ZNF85: variants seen among roughly 807,000 people sequenced by gnomAD.
ZNF85 encodes zinc finger protein 85, also known as zinc finger protein 85 (HPF4, HTF1).
Under a neutral mutation model 53.9 loss-of-function variants are expected in ZNF85, and 50 were observed. That is an observed-to-expected ratio of 0.93 (90% CI 0.74 to 1.17). The LOEUF is 1.17. Ranked by LOEUF, ZNF85 falls within the 50% of genes most tolerant of loss-of-function variation. ZNF85 has a pLI of 0.00. For synonymous variants in ZNF85, 225 were observed against 226.1 expected (o/e 1.00, Z 0.04); for missense variants, 747 against 688.5 (o/e 1.08, Z -0.95).
At position 20,949,611 on chromosome 19, in the gene ZNF85, G is replaced by T. The variant is rs780140377; in HGVS notation, c.1097G>T (p.Gly366Val). Reference sequence around the variant, plus strand: ...ACCACACATGAGGTAATTCATACTGGAGAGAAACCCTACAAATGTGAAAAA... The same window carrying T: ...ACCACACATGAGGTAATTCATACTGTAGAGAAACCCTACAAATGTGAAAAA... ...HLTTHEVIHT[G>V]EKPYKCEKCG... is the part of the protein sequence containing the mutation. Residue 366 changes from glycine (G) to valine (V), a missense_variant, in exon 4 of 4, where the codon GGA (glycine) becomes GTA (valine). Gly to Val is a moderately radical substitution (Grantham distance 109). Transcript: ENST00000328178. 7.5e-6 allele frequency: 12 copies of T among 1,602,406 alleles called. No homozygotes were observed. Among genetic ancestry groups the T allele is most frequent in the Non-Finnish European group, 9.4e-6 (11 of 1,171,944 alleles).
rs201557643 is a variant in ZNF85 at position 20,950,142 on chromosome 19, G to A, written c.1628G>A (p.Cys543Tyr). The stretch of plus-strand genomic sequence containing the variant: ...GAGAAACCCTACACATGTGAAGAAT[G>A]TGGCAAAGCCTTTAACCAGTCCTCA... ...TGEKPYTCEE[C>Y]GKAFNQSSNL... The change falls in exon 4 of 4, where the codon TGT becomes TAT. Residue 543 changes from cysteine to tyrosine, a missense_variant. Coordinates refer to ENST00000328178, the MANE Select transcript of ZNF85 (RefSeq NM_003429.5). 32 of 1,613,622 alleles carry A rather than the reference G, an allele frequency of 2.0e-5. 1 individual carries two copies. The Middle Eastern group carries it at 2.5e-3, about 124-fold the overall frequency.
rs751910451 is a variant in ZNF85 at position 20,949,318 on chromosome 19, C to T, written c.804C>T (p.Asn268=). ...GTGAAGAATGTGGCAAAACTTTTAA[C>T]CGATTCTCAACTCTTACTACCCATA... The part of the protein sequence containing the change: ...YKCEECGKTF[N]RFSTLTTHKI... The change falls in exon 4 of 4, where the codon AAC becomes AAT. Residue 268 remains asparagine, a synonymous_variant. Transcript: ENST00000328178. 1.2e-6 allele frequency: 2 copies of T among 1,607,876 alleles called. No homozygotes were observed. Among genetic ancestry groups the T allele is most frequent in the Non-Finnish European group, 1.7e-6 (2 of 1,176,656 alleles).
chr19:20,947,767 T>A (rs1228528946), intron 3 of ZNF85, among the ~76,000 whole-genome samples: 1 of 151,634 alleles, frequency 6.6e-6, no homozygotes, highest in Non-Finnish European at 1.5e-5. Context: ...ATATTAAAAT[T>A]TTTTTGTATT....
intron 3 of ZNF85, chr19:20,937,463 G>C (rs1973187163): frequency 1.5e-5 from 6 of 401,126 alleles, no homozygotes; most frequent in Non-Finnish European, 2.5e-5. Context: ...TCTGCACTAG[G>C]GTCCGCCTTT....
At position 20,949,066 on chromosome 19, in the gene ZNF85, C is replaced by T. The variant is rs769513308; in HGVS notation, c.552C>T (p.Gly184=). 2 of 1,613,784 alleles carry T rather than the reference C, an allele frequency of 1.2e-6. No individual in the cohort carries two copies. The highest frequency in any genetic ancestry group is 1.7e-6 in the Non-Finnish European group (2 of 1,179,788). The stretch of plus-strand genomic sequence containing the variant: ...GTACAAAATGTGGCAAATCATTTGG[C>T]ATGATTTCATGCCTAACTGAACATA... ...FKCTKCGKSF[G]MISCLTEHSR... Residue 184 remains glycine (G), a synonymous_variant, in exon 4 of 4, where the codon GGC becomes GGT. Coordinates refer to ENST00000328178, the MANE Select transcript of ZNF85 (RefSeq NM_003429.5).
chr19:20,928,388 G>A (rs1404584088), intron 1 of ZNF85: 1 of 152,286 alleles, frequency 6.6e-6, no homozygotes, highest in Admixed American at 6.5e-5. Context: ...GGGAAGGGGA[G>A]GCTCTGCTCT....
intron 3 of ZNF85, chr19:20,942,918 G>A (rs1568553048): frequency 1.5e-6 from 1 of 664,328 alleles, no homozygotes; most frequent in Non-Finnish European, 2.7e-6. Flanking sequence ...TTGGACTACA[G>A]ACATGCAGTA....
chr19:20,938,979 T>C (rs1973230196), intron 3 of ZNF85, among the ~76,000 whole-genome samples: 1 of 152,144 alleles, frequency 6.6e-6, no homozygotes, highest in African/African-American at 2.4e-5. Context: ...AAAATGCATA[T>C]ATTTAAAACA....
Position 20,930,579 on chromosome 19 carries a change from C to T in ZNF85, c.4-3445C>T, listed in dbSNP as rs192230402. Among the ~76,000 whole-genome samples, 58 of 152,248 alleles carry T rather than the reference C, an allele frequency of 3.8e-4. 1 individual carries two copies. The East Asian group carries it at 9.1e-3, about 24-fold the overall frequency. On this transcript the variant is annotated intron_variant, in intron 1 of 3. Coordinates refer to ENST00000328178, the MANE Select transcript of ZNF85 (RefSeq NM_003429.5). ...TCAGGGTGTTATGATGATGAAATCA[C>T]GTAATGTGTTATGGCCAACACAGTG... is the stretch of plus-strand genomic sequence containing the variant.
chr19:20,931,167 G>A (rs2144613935), intron 1 of ZNF85, among the ~76,000 whole-genome samples: 1 of 152,108 alleles, frequency 6.6e-6, no homozygotes. Flanking sequence ...TTTCTCTAAT[G>A]CCAATAATGA....
intron 3 of ZNF85, among the ~76,000 whole-genome samples, chr19:20,942,109 C>T (rs1276857226): frequency 6.6e-6 from 1 of 151,726 alleles, no homozygotes; most frequent in African/African-American, 2.4e-5. Context: ...CTTTGTTTAT[C>T]TGTTTTTGTG....
rs561185535 is a variant in ZNF85, at chr19:20,931,020, C to T, written c.4-3004C>T. On this transcript the variant is annotated intron_variant, in intron 1 of 3. Coordinates refer to ENST00000328178, the MANE Select transcript of ZNF85 (RefSeq NM_003429.5). Reference sequence around the variant, plus strand: ...AAACTCCCGACCTCTGGTGATCCACCTGCCTCGGCCTCCCAAAGTGCTGAA... The same window carrying T: ...AAACTCCCGACCTCTGGTGATCCACTTGCCTCGGCCTCCCAAAGTGCTGAA... Among the ~76,000 whole-genome samples, 7 of 152,328 alleles carry T rather than the reference C, an allele frequency of 4.6e-5. No homozygotes were observed. In the South Asian group the frequency reaches 1.5e-3, roughly 32 times the overall value.
Position 20,934,878 on chromosome 19 carries a change from C to G in ZNF85, c.131-71C>G, listed in dbSNP as rs1973119410. 3 of 918,896 alleles carry G rather than the reference C, an allele frequency of 3.3e-6. No individual in the cohort carries two copies. The South Asian group carries it at 5.8e-5, about 18-fold the overall frequency. 56.9% of individuals were successfully genotyped at this position (918,896 alleles called of 1,614,324 possible). A position where few individuals can be genotyped will look rare whatever the true frequency, so the allele number is the denominator to read the frequency against. ...TAGTATTTTGGGATTAATTTACTAG[C>G]TAAGCACATTACTAGATTGGTCATT... On this transcript the variant is annotated intron_variant, in intron 2 of 3. Transcript: ENST00000328178.
chr19:20,946,575 C>G (rs761198449), intron 3 of ZNF85, among the ~76,000 whole-genome samples: 1 of 149,370 alleles, frequency 6.7e-6, no homozygotes, highest in African/African-American at 2.4e-5. Flanking sequence ...CACATGCACA[C>G]ACACACACAC....
chr19:20,934,949 G>T lies in ZNF85; in HGVS notation c.131G>T (p.Gly44Val), dbSNP rs757603222. 14 of 1,595,972 alleles carry T rather than the reference G, an allele frequency of 8.8e-6. No individual in the cohort carries two copies. In the Middle Eastern group the frequency reaches 5.0e-4, roughly 57 times the overall value. The stretch of plus-strand genomic sequence containing the variant: ...ATATTATTTATTTTTAATAAAACAG[G>T]TATTACTGTTTCTAAGCCAGACCTG... ...LENYRNLVFL[G>V]ITVSKPDLIT... The change falls in exon 3 of 4, where the codon GGT (glycine) becomes GTT (valine). Residue 44 changes from glycine (G) to valine (V), a missense_variant and splice_region_variant. Physicochemically the swap from Gly to Val is moderately radical, Grantham distance 109. Transcript: ENST00000328178.
At chr19:20,925,233 C>T (rs1286002440) in intron 1 of ZNF85, among the ~76,000 whole-genome samples, 4 of 151,902 alleles carry the variant, frequency 2.6e-5, no homozygotes, top group South Asian at 2.1e-4. Flanking sequence ...CCGAGGCGGG[C>T]GGATCGCGAG....
At chr19:20,932,870 A>G (rs898719671) in intron 1 of ZNF85, among the ~76,000 whole-genome samples, 3 of 152,046 alleles carry the variant, frequency 2.0e-5, no homozygotes, top group African/African-American at 7.2e-5. Context: ...ATGCTGTGTC[A>G]TTTCATGTGC....
Position 20,950,393 on chromosome 19 carries a change from C to A in ZNF85, c.*91C>A. 1 of 940,162 alleles carries A rather than the reference C, an allele frequency of 1.1e-6. No homozygotes were observed. Among genetic ancestry groups the A allele is most frequent in the Non-Finnish European group, 1.5e-6 (1 of 654,944 alleles). 58.2% of individuals were successfully genotyped at this position (940,162 alleles called of 1,614,324 possible). A position where few individuals can be genotyped will look rare whatever the true frequency, so the allele number is the denominator to read the frequency against. ...GAAACTACTAACCTGAAAGATGTGA[C>A]AATAATTTTGACAACACCTCAGACT... On this transcript the variant is annotated 3_prime_UTR_variant, in exon 4 of 4. Coordinates refer to ENST00000328178, the MANE Select transcript of ZNF85 (RefSeq NM_003429.5).
At position 20,946,570 on chromosome 19, in the gene ZNF85, G is replaced by GCACACA. The variant is rs74172383; in HGVS notation, c.230-2156_230-2151dup. On this transcript the variant is annotated intron_variant, in intron 3 of 3. Coordinates refer to ENST00000328178, the MANE Select transcript of ZNF85 (RefSeq NM_003429.5). ...GAACCTTAATGTGAGATATACACATGCACACACACACACACACACACACCC... is the reference window on the plus strand; with the variant it reads ...GAACCTTAATGTGAGATATACACATGCACACACACACACACACACACACACACACCC... Among the ~76,000 whole-genome samples, 520 of 145,158 alleles carry GCACACA rather than the reference G, an allele frequency of 3.6e-3. 3 individuals carry two copies. The highest frequency in any genetic ancestry group is 0.012 in the African/African-American group (484 of 39,950).
Sources: gnomAD v4.1 joint callset for allele counts (sites outside exome capture counted in the v4.1 genomes callset) on GRCh38, gnomAD v4.1.1 for gene constraint, MANE v1.5 for transcripts, NCBI Gene and HGNC (gene_info 2026-07-23, HGNC 2026-07-21) for gene names.